Variants in ARHGAP24 observed in about 807,000 individuals in gnomAD.
ARHGAP24 encodes the protein rho GTPase-activating protein 24.
Under a neutral mutation model 76.4 loss-of-function variants are expected in ARHGAP24, and 50 were observed. The observed-to-expected ratio is 0.65, with a 90% confidence interval of 0.52 to 0.83. The LOEUF is 0.83. ARHGAP24 is among the 40% of genes least tolerant of loss of function. The pLI, the probability that ARHGAP24 is intolerant of heterozygous loss-of-function variation, is 0.00. For missense variants in ARHGAP24, 930 were observed against 914.2 expected (o/e 1.02, Z -0.22); for synonymous variants, 345 against 323.3 (o/e 1.07, Z -0.72).
At chr4:85,531,590 A>T (rs1244206883) in intron 1 of ARHGAP24, among the ~76,000 whole-genome samples, 1 of 152,090 alleles carries the variant, frequency 6.6e-6, no homozygotes, top group Admixed American at 6.6e-5. Flanking sequence ...TTGTTTTATT[A>T]AATCCTTAAT....
At chr4:85,838,256 G>GAT (rs1361892377) in intron 3 of ARHGAP24, among the ~76,000 whole-genome samples, 2 of 152,318 alleles carry the variant, frequency 1.3e-5, no homozygotes, top group African/African-American at 4.8e-5. Flanking sequence ...GACTACTGTG[G>GAT]ATACTGCCTC....
intron 3 of ARHGAP24, among the ~76,000 whole-genome samples, chr4:85,826,722 T>C (rs72658241): frequency 4.3e-4 from 65 of 152,262 alleles, no homozygotes; most frequent in Admixed American, 7.8e-4. Context: ...GCCAAGGAAG[T>C]AGACAAAACA....
chr4:85,627,499 C>T (rs980510217), intron 2 of ARHGAP24, among the ~76,000 whole-genome samples: 6 of 152,196 alleles, frequency 3.9e-5, no homozygotes, highest in African/African-American at 1.2e-4. Flanking sequence ...TGGTGCCTCC[C>T]AGTTAGGCTC....
At chr4:85,722,753 G>A (rs533982983) in intron 3 of ARHGAP24, among the ~76,000 whole-genome samples, 2 of 152,058 alleles carry the variant, frequency 1.3e-5, no homozygotes, top group African/African-American at 2.4e-5. Context: ...ATCTGGCTCC[G>A]GTTGACCGTT....
intron 3 of ARHGAP24, among the ~76,000 whole-genome samples, chr4:85,757,713 G>A (rs553000211): frequency 1.3e-5 from 2 of 152,232 alleles, no homozygotes; most frequent in African/African-American, 4.8e-5. Context: ...ATGATTTATA[G>A]TCCTTTGGGT....
intron 1 of ARHGAP24, among the ~76,000 whole-genome samples, chr4:85,493,201 C>G (rs1723425903): frequency 6.6e-6 from 1 of 152,228 alleles, no homozygotes; most frequent in South Asian, 2.1e-4. Context: ...GGCCAGGTTT[C>G]TCTACTATAA....
chr4:85,560,448 G>A (rs1548106), intron 1 of ARHGAP24, among the ~76,000 whole-genome samples: 128,943 of 152,106 alleles, frequency 0.85, 56,182 homozygotes, highest in East Asian at 0.98. Flanking sequence ...ATACGGAAAC[G>A]TTGAAGCTTA....
At chr4:85,831,540 G>A (rs1729993419) in intron 3 of ARHGAP24, among the ~76,000 whole-genome samples, 1 of 152,024 alleles carries the variant, frequency 6.6e-6, no homozygotes, top group Non-Finnish European at 1.5e-5. Flanking sequence ...TTATACAATG[G>A]GCTTTCATTT....
intron 1 of ARHGAP24, among the ~76,000 whole-genome samples, chr4:85,506,594 A>G (rs984267516): frequency 6.7e-6 from 1 of 149,968 alleles, no homozygotes; most frequent in African/African-American, 2.5e-5. Context: ...TGTGAAGACC[A>G]TGAGAAAAGC....
chr4:85,835,345 G>C (rs1231382389), intron 3 of ARHGAP24, among the ~76,000 whole-genome samples: 1 of 151,848 alleles, frequency 6.6e-6, no homozygotes, highest in Non-Finnish European at 1.5e-5. Context: ...GGATCACGAG[G>C]TCAGGAGATT....
chr4:85,576,283 A>G (rs1727369477), intron 2 of ARHGAP24, among the ~76,000 whole-genome samples: 3 of 152,128 alleles, frequency 2.0e-5, no homozygotes, highest in Admixed American at 2.0e-4. Context: ...AAACAAAATT[A>G]GCCGGGCATG....
intron 3 of ARHGAP24, among the ~76,000 whole-genome samples, chr4:85,857,430 C>G (rs535220878): frequency 5.9e-5 from 9 of 152,116 alleles, no homozygotes; most frequent in Non-Finnish European, 1.3e-4. Context: ...ACATACATAC[C>G]ATTGCTCACT....
At chr4:85,639,643 C>T (rs761894720) in intron 2 of ARHGAP24, among the ~76,000 whole-genome samples, 5 of 148,032 alleles carry the variant, frequency 3.4e-5, no homozygotes, top group Non-Finnish European at 5.9e-5. Context: ...CAAAATAGTT[C>T]TTTATTTAAA....
Position 85,642,658 on chromosome 4 carries a change from T to C in ARHGAP24, c.180+71937T>C, listed in dbSNP as rs969102523. 2.0e-5 allele frequency among the ~76,000 whole-genome samples: 3 copies of C among 151,940 alleles called. No individual in the cohort carries two copies. The East Asian group carries it at 5.8e-4, about 29-fold the overall frequency. On this transcript the variant is annotated intron_variant, in intron 2 of 9. Coordinates refer to ENST00000395184, the MANE Select transcript of ARHGAP24 (RefSeq NM_001025616.3). ...AAAATATATCCAAAACTTTAACATT[T>C]CTTACACTTCTACTGCTACCACCCT...
intron 3 of ARHGAP24, among the ~76,000 whole-genome samples, chr4:85,834,433 A>G (rs1730159284): frequency 6.6e-6 from 1 of 152,222 alleles, no homozygotes; most frequent in Non-Finnish European, 1.5e-5. Flanking sequence ...TCTCAAGTAC[A>G]CTTTGTTGGT....
chr4:85,665,693 CTT>C (rs1297745157), intron 2 of ARHGAP24, among the ~76,000 whole-genome samples: 2 of 152,100 alleles, frequency 1.3e-5, no homozygotes, highest in Non-Finnish European at 2.9e-5. Context: ...TTCAGGAGCT[CTT>C]TTAGGGCAGG....
chr4:85,714,523 A>C (rs1437411271), intron 2 of ARHGAP24, among the ~76,000 whole-genome samples: 1 of 152,240 alleles, frequency 6.6e-6, no homozygotes, highest in East Asian at 1.9e-4. Flanking sequence ...ATAGTCTCAT[A>C]CAATTATTTT....
chr4:85,852,757 CTG>C (rs1456439570), intron 3 of ARHGAP24, among the ~76,000 whole-genome samples: 1 of 152,234 alleles, frequency 6.6e-6, no homozygotes, highest in African/African-American at 2.4e-5. Context: ...ACTCCAGACA[CTG>C]TTTGCCTGGG....
At chr4:86,000,442 C>CGGGGGGGGGGGGGG in intron 9 of ARHGAP24, 37 bp from the exon 10 acceptor site, 1 of 807,894 alleles carries the variant, frequency 1.2e-6, no homozygotes, top group Non-Finnish European at 1.9e-6. Context: ...CTTACTCTTG[C>CGGGGGGGGGGGGGG]GTCCCCACCC....
Sources: allele counts gnomAD v4.1 joint callset (sites outside exome capture counted in the v4.1 genomes callset), GRCh38; gene constraint gnomAD v4.1.1; transcripts MANE v1.5; gene names NCBI Gene and HGNC (gene_info 2026-07-23, HGNC 2026-07-21).